The following DNM3 variants were observed in gnomAD, a reference collection of about 807,000 sequenced individuals.
The protein encoded by DNM3 is dynamin-3.
DNM3 carries 47 observed loss-of-function variants against 101.6 expected under a neutral mutation model. The ratio of observed to expected loss-of-function variants is 0.46; its 90% confidence interval spans 0.37 to 0.59. The LOEUF (loss-of-function observed/expected upper bound fraction) is 0.59, where lower values mean the gene tolerates loss of function less well. Among genes scored for constraint, DNM3 ranks in the 20% least tolerant of loss-of-function variants. The pLI is 0.00. For missense variants in DNM3, 849 were observed against 1,085.7 expected (o/e 0.78, Z 3.06); for synonymous variants, 385 against 387.9 (o/e 0.99, Z 0.09).
At chr1:172,363,681 A>T (rs1344946310) in intron 17 of DNM3, among the ~76,000 whole-genome samples, 2 of 151,798 alleles carry the variant, frequency 1.3e-5, no homozygotes, top group Non-Finnish European at 2.9e-5. Flanking sequence ...GCTTGAGCAC[A>T]TCCTTTCTGG....
intron 10 of DNM3, among the ~76,000 whole-genome samples, chr1:172,066,492 A>G (rs1028228872): frequency 1.3e-5 from 2 of 151,790 alleles, no homozygotes; most frequent in Admixed American, 6.6e-5. Context: ...TACCAGTCCC[A>G]CTCCCATAAC....
At chr1:171,959,335 A>G (rs796092538) in intron 2 of DNM3, among the ~76,000 whole-genome samples, 9 of 152,310 alleles carry the variant, frequency 5.9e-5, no homozygotes, top group African/African-American at 2.2e-4. Context: ...AGGGAAAAAC[A>G]GATACATAAG....
chr1:172,075,857 A>G (rs959513322), intron 11 of DNM3, among the ~76,000 whole-genome samples: 58 of 151,630 alleles, frequency 3.8e-4, no homozygotes, highest in African/African-American at 1.2e-3. Context: ...GAAGAAAGTC[A>G]ATGGTAGCTT....
intron 15 of DNM3, among the ~76,000 whole-genome samples, chr1:172,267,060 A>G (rs528966743): frequency 3.3e-5 from 5 of 152,356 alleles, no homozygotes; most frequent in East Asian, 3.9e-4. Flanking sequence ...AATGAGTTTA[A>G]GAAATGGAGT....
intron 2 of DNM3, among the ~76,000 whole-genome samples, chr1:171,945,711 C>T (rs1485640543): frequency 6.6e-6 from 1 of 151,914 alleles, no homozygotes; most frequent in East Asian, 1.9e-4. Flanking sequence ...ATTTTTATCT[C>T]ACTCGGAAAC....
At chr1:171,961,436 A>G (rs79013510) in intron 2 of DNM3, among the ~76,000 whole-genome samples, 1,823 of 152,306 alleles carry the variant, frequency 0.012, 24 homozygotes, top group African/African-American at 0.042. Flanking sequence ...CTAAAGTACA[A>G]TAGAAAATAA....
chr1:171,902,402 A>T (rs917950525), intron 1 of DNM3, among the ~76,000 whole-genome samples: 6 of 152,224 alleles, frequency 3.9e-5, no homozygotes, highest in African/African-American at 1.4e-4. Flanking sequence ...GTTGATATTC[A>T]GGAAGGATAA....
intron 4 of DNM3, among the ~76,000 whole-genome samples, chr1:172,018,110 G>T (rs762379022): frequency 4.0e-5 from 6 of 151,818 alleles, no homozygotes; most frequent in Non-Finnish European, 7.4e-5. Flanking sequence ...TGAATTTTTT[G>T]TAGATAATAT....
At chr1:172,373,619 TGCC>T (rs2068460441) in intron 17 of DNM3, among the ~76,000 whole-genome samples, 1 of 152,104 alleles carries the variant, frequency 6.6e-6, no homozygotes, top group African/African-American at 2.4e-5. Context: ...TCTTTGTTTT[TGCC>T]ACTTTATAAA....
At chr1:172,171,416 G>A (rs1051501976) in intron 14 of DNM3, among the ~76,000 whole-genome samples, 1 of 151,708 alleles carries the variant, frequency 6.6e-6, no homozygotes, top group Non-Finnish European at 1.5e-5. Flanking sequence ...TGCATTAGAA[G>A]GCAGAAGAAA....
intron 14 of DNM3, among the ~76,000 whole-genome samples, chr1:172,159,642 G>A (rs772987156): frequency 1.3e-4 from 19 of 151,972 alleles, no homozygotes; most frequent in Non-Finnish European, 2.4e-4. Context: ...CAGGAATTTG[G>A]CAATGTGTGT....
At chr1:172,347,330 C>T (rs2148974558) in intron 17 of DNM3, among the ~76,000 whole-genome samples, 2 of 152,150 alleles carry the variant, frequency 1.3e-5, no homozygotes, top group South Asian at 4.2e-4. Flanking sequence ...AGGAAATAAA[C>T]CACTACTGAG....
At chr1:172,306,313 G>A (rs28869196) in intron 15 of DNM3, among the ~76,000 whole-genome samples, 21,757 of 152,050 alleles carry the variant, frequency 0.14, 2,754 homozygotes, top group African/African-American at 0.34. Context: ...TAGGAATCCA[G>A]CTTACAAGGC....
chr1:172,325,159 A>T (rs771422596), intron 17 of DNM3, among the ~76,000 whole-genome samples: 1 of 152,300 alleles, frequency 6.6e-6, no homozygotes, highest in East Asian at 1.9e-4. Flanking sequence ...CTGATTTTCA[A>T]GTCACTAAAT....
chr1:172,188,643 T>C (rs2059602403), intron 14 of DNM3, among the ~76,000 whole-genome samples: 1 of 152,120 alleles, frequency 6.6e-6, no homozygotes, highest in South Asian at 2.1e-4. Flanking sequence ...TAAACATTTA[T>C]ATGCATGTGT....
chr1:172,142,750 A>C (rs2057654854), intron 14 of DNM3, among the ~76,000 whole-genome samples: 1 of 151,720 alleles, frequency 6.6e-6, no homozygotes, highest in South Asian at 2.1e-4. Context: ...AAAAAAAAAA[A>C]AACCCAGAAA....
intron 15 of DNM3, among the ~76,000 whole-genome samples, chr1:172,306,071 A>G (rs779948054): frequency 1.2e-4 from 19 of 152,244 alleles, no homozygotes; most frequent in Non-Finnish European, 2.8e-4. Flanking sequence ...GTATTCAGTT[A>G]GGAAAAGAGG....
At chr1:171,963,317 C>T (rs891132770) in intron 2 of DNM3, among the ~76,000 whole-genome samples, 1 of 152,092 alleles carries the variant, frequency 6.6e-6, no homozygotes, top group Non-Finnish European at 1.5e-5. Context: ...ATGTGACATT[C>T]CTGAAAAGAC....
In DNM3 at chr1:172,044,405, A is replaced by G; in HGVS notation, c.1149A>G (p.Glu383=). 1 of 1,608,662 alleles carries G rather than the reference A, an allele frequency of 6.2e-7. No individual in the cohort carries two copies. The highest frequency in any genetic ancestry group is 1.3e-5 in the African/African-American group (1 of 74,970). Residue 383 remains glutamate, a synonymous_variant, in exon 9 of 21, where the codon GAA becomes GAG. Transcript: ENST00000627582. ...TGCAGATGGAGTTCAATGAGAAAGAATTGCGAAGAGAAATAAGCTATGCAA... is the reference window on the plus strand; with the variant it reads ...TGCAGATGGAGTTCAATGAGAAAGAGTTGCGAAGAGAAATAAGCTATGCAA... The part of the protein sequence containing the change: ...EIVKMEFNEK[E]LRREISYAIK...
Sources: gnomAD v4.1 joint callset for allele counts (sites outside exome capture counted in the v4.1 genomes callset) on GRCh38, gnomAD v4.1.1 for gene constraint, MANE v1.5 for transcripts, NCBI Gene and HGNC (gene_info 2026-07-23, HGNC 2026-07-21) for gene names.